The following ORC4 variants were observed in gnomAD, a reference collection of about 807,000 sequenced individuals.
ORC4 encodes the protein origin recognition complex subunit 4.
ORC4 carries 55 observed loss-of-function variants against 63.9 expected under a neutral mutation model. The ratio of observed to expected loss-of-function variants is 0.86; its 90% CI spans 0.69 to 1.08. The LOEUF (loss-of-function observed/expected upper bound fraction) is 1.08, where lower values mean the gene tolerates loss of function less well. Ranked by LOEUF, ORC4 falls within the 50% of genes least tolerant of loss-of-function variation. The pLI is 0.00. For synonymous variants in ORC4, 150 were observed against 168.5 expected, an observed-to-expected ratio of 0.89 and a Z score of 0.85; for missense variants, 511 against 504.4, an observed-to-expected ratio of 1.01 and a Z score of -0.13.
chr2:147,935,785 G>T (rs1688018276), intron 13 of ORC4, 87 bp from the exon 14 acceptor site: 2 of 1,173,822 alleles, frequency 1.7e-6, no homozygotes, highest in East Asian at 4.7e-5. Flanking sequence ...TTAGCATTTT[G>T]GTCAGCTGCA....
At chr2:148,003,616 T>C (rs937104446) in intron 1 of ORC4, among the ~76,000 whole-genome samples, 2 of 152,148 alleles carry the variant, frequency 1.3e-5, no homozygotes, top group Admixed American at 6.5e-5. Flanking sequence ...TATCTCAAAA[T>C]AATAAGAGCT....
intron 1 of ORC4, among the ~76,000 whole-genome samples, chr2:147,997,963 T>C (rs1692068510): frequency 6.6e-6 from 1 of 152,216 alleles, no homozygotes; most frequent in African/African-American, 2.4e-5. Flanking sequence ...ATTGCAGCAG[T>C]GTTGGTATAA....
chr2:147,945,194 T>C (rs1688591106), intron 9 of ORC4, among the ~76,000 whole-genome samples: 1 of 152,070 alleles, frequency 6.6e-6, no homozygotes, highest in Non-Finnish European at 1.5e-5. Flanking sequence ...GAAGAAATTT[T>C]CTCTGCAAGA....
At chr2:147,938,542 T>C (rs865868335) in intron 11 of ORC4, 149 bp from the exon 12 acceptor site, 3 of 615,216 alleles carry the variant, frequency 4.9e-6, no homozygotes, top group African/African-American at 1.9e-5. Flanking sequence ...GTTTCAATTA[T>C]CTATATAAAT....
At position 147,943,432 on chromosome 2, in the gene ORC4, A is replaced by G; in HGVS notation, c.849+4T>C. The stretch of plus-strand genomic sequence containing the variant: ...ACAAGCAATAAAACAAAACTAATAC[A>G]AACCAATAGCATGTGTAATGACCGC... On this transcript the variant is annotated splice_donor_region_variant and intron_variant, in intron 10 of 13. Coordinates refer to ENST00000392857, the MANE Select transcript of ORC4 (RefSeq NM_181741.4). The G allele has an allele frequency of 6.4e-7, 1 of 1,572,706 alleles. No individual in the cohort carries two copies. The highest frequency in any genetic ancestry group is 8.8e-7 in the Non-Finnish European group (1 of 1,142,608).
intron 11 of ORC4, chr2:147,938,721 A>G (rs1043546269): frequency 2.9e-6 from 1 of 344,076 alleles, no homozygotes; most frequent in East Asian, 6.9e-5. Context: ...TAAATCACAC[A>G]GGGCCTTTGC....
intron 8 of ORC4, chr2:147,951,355 C>A (rs1351878746): frequency 1.3e-5 from 2 of 152,214 alleles, no homozygotes; most frequent in Non-Finnish European, 2.9e-5. Context: ...GGTTTGTCCC[C>A]ACCAAATCTC....
chr2:147,944,286 T>C (rs1366258493), intron 9 of ORC4, among the ~76,000 whole-genome samples: 2 of 152,048 alleles, frequency 1.3e-5, no homozygotes, highest in East Asian at 3.9e-4. Context: ...AAAATGAATC[T>C]TGGATTATTA....
At chr2:147,976,317 C>T (rs1241912195) in intron 1 of ORC4, among the ~76,000 whole-genome samples, 1 of 152,028 alleles carries the variant, frequency 6.6e-6, no homozygotes, top group African/African-American at 2.4e-5. Context: ...CATTTTTTAG[C>T]AATAAGGTAT....
chr2:148,005,499 GT>G (rs1692568929), intron 1 of ORC4, among the ~76,000 whole-genome samples: 1 of 151,762 alleles, frequency 6.6e-6, no homozygotes, highest in South Asian at 2.1e-4. Flanking sequence ...AAACCTACAT[GT>G]TCTGCACATG....
At chr2:147,964,470 G>T (rs963656029) in intron 4 of ORC4, among the ~76,000 whole-genome samples, 1 of 152,126 alleles carries the variant, frequency 6.6e-6, no homozygotes, top group African/African-American at 2.4e-5. Flanking sequence ...ACAAATATTT[G>T]TATTATTGTA....
At chr2:147,939,462 C>T (rs1453887306) in intron 10 of ORC4, among the ~76,000 whole-genome samples, 2 of 152,108 alleles carry the variant, frequency 1.3e-5, no homozygotes, top group African/African-American at 4.8e-5. Context: ...GTTCCTGCTG[C>T]TCTCTCTAAC....
chr2:147,945,285 C>G (rs185876082), intron 9 of ORC4, among the ~76,000 whole-genome samples: 43 of 152,194 alleles, frequency 2.8e-4, no homozygotes, highest in Non-Finnish European at 5.3e-4. Context: ...CACCTTCCTA[C>G]TTTATCTCTT....
chr2:147,946,953 A>C (rs541237097), intron 9 of ORC4, among the ~76,000 whole-genome samples: 290 of 152,126 alleles, frequency 1.9e-3, no homozygotes, highest in African/African-American at 6.3e-3. Flanking sequence ...TTGTTCAATA[A>C]ACTTTTATGA....
intron 8 of ORC4, 62 bp from the exon 9 acceptor site, chr2:147,948,286 G>A: frequency 9.0e-7 from 1 of 1,107,528 alleles, no homozygotes; most frequent in Admixed American, 1.9e-5. Flanking sequence ...CAAAAACACT[G>A]TACCAATGTT....
chr2:148,003,040 A>C (rs1484564662), intron 1 of ORC4, among the ~76,000 whole-genome samples: 1 of 152,200 alleles, frequency 6.6e-6, no homozygotes, highest in Non-Finnish European at 1.5e-5. Flanking sequence ...GGACACAGAC[A>C]CCATCCCAAG....
chr2:148,021,451 T>TTGCTGCTGCTGTTGCTGC (rs1354964203), upstream of ORC4: 536 of 567,614 alleles, frequency 9.4e-4, 9 homozygotes, highest in South Asian at 3.2e-3. Flanking sequence ...CACAGACCCT[T>TTGCTGCTGCTGTTGCTGC]TGCTGCTGCT....
Position 147,952,492 on chromosome 2 carries a change from T to A in ORC4, c.469A>T (p.Ile157Leu). The A allele has an allele frequency of 6.2e-7, 1 of 1,611,624 alleles. No homozygotes were observed. The highest frequency in any genetic ancestry group is 8.5e-7 in the Non-Finnish European group (1 of 1,177,784). ...DRTSSCPVIFILDEFDLFAHH... is the reference protein window; with the variant it reads ...DRTSSCPVIFLLDEFDLFAHH... Reference sequence around the variant, plus strand: ...GCAAAAAGATCAAATTCATCTAATATGAAGATCACTGGGCAACTGCTAGTT... The same window carrying A: ...GCAAAAAGATCAAATTCATCTAATAAGAAGATCACTGGGCAACTGCTAGTT... The change falls in exon 8 of 14, where the codon ATA (isoleucine) becomes TTA (leucine). Residue 157 changes from isoleucine (I) to leucine (L), a missense_variant. Physicochemically the swap from Ile to Leu is conservative, Grantham distance 5. Transcript: ENST00000392857.
chr2:148,010,046 G>T (rs1692857304), intron 1 of ORC4, among the ~76,000 whole-genome samples: 1 of 152,152 alleles, frequency 6.6e-6, no homozygotes, highest in Non-Finnish European at 1.5e-5. Flanking sequence ...TAAATAACAA[G>T]TGGAACTTTG....
Sources: gnomAD v4.1 joint callset for allele counts (sites outside exome capture counted in the v4.1 genomes callset) on GRCh38, gnomAD v4.1.1 for gene constraint, MANE v1.5 for transcripts, NCBI Gene and HGNC (gene_info 2026-07-23, HGNC 2026-07-21) for gene names.